KIAA0319: variants seen among roughly 807,000 people sequenced by gnomAD.
KIAA0319 encodes the protein dyslexia-associated protein KIAA0319.
Under a neutral mutation model 108.4 loss-of-function variants are expected in KIAA0319, and 83 were observed. That is an observed-to-expected ratio of 0.77 (90% CI 0.64 to 0.92). The LOEUF (loss-of-function observed/expected upper bound fraction) is 0.92. Among genes scored for constraint, KIAA0319 ranks in the 40% least tolerant of loss-of-function variants. The pLI, the probability that KIAA0319 is intolerant of heterozygous loss-of-function variation, is 0.00. For synonymous variants in KIAA0319, 484 were observed against 510.4 expected, an observed-to-expected ratio of 0.95 and a Z score of 0.70; for missense variants, 1,195 against 1,322.4, an observed-to-expected ratio of 0.90 and a Z score of 1.49.
intron 8 of KIAA0319, among the ~76,000 whole-genome samples, chr6:24,579,568 G>T (rs892389720): frequency 6.8e-6 from 1 of 146,950 alleles, no homozygotes; most frequent in Admixed American, 6.8e-5. Context: ...TTTTCCAACT[G>T]CTAACCATAT....
chr6:24,630,505 T>TC, intron 1 of KIAA0319, among the ~76,000 whole-genome samples: 2 of 78,830 alleles, frequency 2.5e-5, no homozygotes, highest in Non-Finnish European at 4.6e-5. Context: ...CAAGATTCTG[T>TC]CTCAAAAAAA....
intron 1 of KIAA0319, among the ~76,000 whole-genome samples, chr6:24,611,871 C>T (rs9356938): frequency 0.87 from 131,910 of 151,916 alleles, 57,373 homozygotes; most frequent in East Asian, 0.98. Context: ...CTGGACAACA[C>T]AGGGAGAACC....
chr6:24,579,781 T>C (rs1766185917), intron 8 of KIAA0319, 77 bp downstream of exon 8: 5 of 1,173,132 alleles, frequency 4.3e-6, no homozygotes, highest in Non-Finnish European at 3.7e-6. Context: ...TCCTCCTAGC[T>C]TTGATGCAGA....
intron 2 of KIAA0319, chr6:24,598,687 C>T: frequency 3.8e-6 from 1 of 265,604 alleles, no homozygotes; most frequent in South Asian, 4.1e-5. Flanking sequence ...ACCAGCCTGA[C>T]CAACATGGTG....
At chr6:24,555,678 A>G (rs1274858565) in intron 18 of KIAA0319, among the ~76,000 whole-genome samples, 1 of 137,004 alleles carries the variant, frequency 7.3e-6, no homozygotes, top group African/African-American at 3.1e-5. Flanking sequence ...CCAAACAACA[A>G]ATTTACTTAG....
Position 24,545,371 on chromosome 6 carries a change from A to C in KIAA0319, c.*1794T>G, listed in dbSNP as rs1042069346. On this transcript the variant is annotated 3_prime_UTR_variant, in exon 21 of 21. Transcript: ENST00000378214. ...GTAAACTGCATATGTTATGTACATA[A>C]AGCGGTAAATGTTCACTCCCTTCTT... 2.6e-5 allele frequency: 4 copies of C among 152,180 alleles called. No individual in the cohort carries two copies. The highest frequency in any genetic ancestry group is 5.9e-5 in the Non-Finnish European group (4 of 68,042). 9.4% of individuals were successfully genotyped at this position (152,180 alleles called of 1,614,324 possible). A position where few individuals can be genotyped will look rare whatever the true frequency, so the allele number is the denominator to read the frequency against.
At chr6:24,626,140 C>T (rs542410819) in intron 1 of KIAA0319, among the ~76,000 whole-genome samples, 94 of 152,298 alleles carry the variant, frequency 6.2e-4, no homozygotes, top group African/African-American at 1.6e-3. Context: ...GTCCAGAATA[C>T]GCAAATCCAT....
intron 2 of KIAA0319, 38 bp downstream of exon 2, chr6:24,601,011 A>G: frequency 6.2e-7 from 1 of 1,613,712 alleles, no homozygotes; most frequent in South Asian, 1.1e-5. Flanking sequence ...AAGAAACTCA[A>G]GTCCAACACG....
chr6:24,563,157 C>T (rs912978640), intron 16 of KIAA0319, among the ~76,000 whole-genome samples: 2 of 152,240 alleles, frequency 1.3e-5, no homozygotes, highest in Non-Finnish European at 2.9e-5. Flanking sequence ...AATCAGCAAA[C>T]ATTTACTGAG....
Position 24,583,714 on chromosome 6 carries a change from TTAG to T in KIAA0319, c.995-15_995-13del, listed in dbSNP as rs762106876. Reference sequence around the variant, plus strand: ...CGTAAGTTCTTTCACTAAAAGTTAATTAGAAATAATACGTGCAATTATATAATA... The same window carrying T: ...CGTAAGTTCTTTCACTAAAAGTTAATAAATAATACGTGCAATTATATAATA... On this transcript the variant is annotated splice_polypyrimidine_tract_variant and intron_variant, in intron 4 of 20. Transcript: ENST00000378214. The T allele has an allele frequency of 2.0e-5, 30 of 1,482,118 alleles. No individual in the cohort carries two copies. In the African/African-American group the frequency reaches 3.3e-4, roughly 16 times the overall value. The allele number at this position is 1,482,118 out of a possible 1,614,324, so 91.8% of individuals were successfully genotyped here.
intron 8 of KIAA0319, among the ~76,000 whole-genome samples, chr6:24,579,452 T>A (rs1306441269): frequency 2.1e-5 from 3 of 144,468 alleles, no homozygotes. Flanking sequence ...CTCATATATA[T>A]CTTATATATC....
At chr6:24,618,475 A>G (rs1773468036) in intron 1 of KIAA0319, among the ~76,000 whole-genome samples, 1 of 152,022 alleles carries the variant, frequency 6.6e-6, no homozygotes, top group Non-Finnish European at 1.5e-5. Context: ...TTAGCCAGGC[A>G]TGGTGGTGTG....
At chr6:24,580,101 A>C (rs1313766847) in intron 7 of KIAA0319, 151 bp from the exon 8 acceptor site, 1 of 589,328 alleles carries the variant, frequency 1.7e-6, no homozygotes. Flanking sequence ...AGCACTTTTT[A>C]AAGTCTGGAG....
In KIAA0319 at chr6:24,630,922, G is replaced by T. The variant is rs192762585; in HGVS notation, c.-106+14814C>A. ...GAAATGCTTCTGCAGGCTCAGAAAA[G>T]GGCAAGCTGCAGCTTTTGTATCTGA... On this transcript the variant is annotated intron_variant, in intron 1 of 20. Coordinates refer to ENST00000378214, the MANE Select transcript of KIAA0319 (RefSeq NM_014809.4). Among the ~76,000 whole-genome samples, 284 of 152,278 alleles carry T rather than the reference G, an allele frequency of 1.9e-3. 1 individual carries two copies. Among genetic ancestry groups the T allele is most frequent in the Non-Finnish European group, 3.3e-3 (223 of 68,026 alleles).
At chr6:24,628,812 T>C (rs1407160614) in intron 1 of KIAA0319, among the ~76,000 whole-genome samples, 1 of 152,120 alleles carries the variant, frequency 6.6e-6, no homozygotes, top group Non-Finnish European at 1.5e-5. Flanking sequence ...CCCTCTATTG[T>C]CACATGGAGC....
chr6:24,624,792 C>G (rs182670409), intron 1 of KIAA0319, among the ~76,000 whole-genome samples: 8 of 152,198 alleles, frequency 5.3e-5, no homozygotes, highest in Non-Finnish European at 1.0e-4. Context: ...GGAAGTCGGA[C>G]GTGAAGCCCT....
chr6:24,551,605 C>G (rs1262839919), intron 19 of KIAA0319, 80 bp from the exon 20 acceptor site: 1 of 957,790 alleles, frequency 1.0e-6, no homozygotes, highest in Non-Finnish European at 1.7e-6. Context: ...AGTAAAGACA[C>G]TAAAGGAAAC....
Position 24,578,082 on chromosome 6 carries a change from AGCACAATAAAG to A in KIAA0319, c.1505+17_1505+27del. ...AACAGTCAAAATGTAAGTAGCAGGC[AGCACAATAAAG>A]GCAGGGACCCACTTGCCTGAAACTA... On this transcript the variant is annotated intron_variant, in intron 9 of 20. Coordinates refer to ENST00000378214, the MANE Select transcript of KIAA0319 (RefSeq NM_014809.4). 6.3e-7 allele frequency: 1 copy of A among 1,585,040 alleles called. No individual in the cohort carries two copies. The highest frequency in any genetic ancestry group is 2.3e-5 in the East Asian group (1 of 44,384).
At chr6:24,607,934 T>C (rs1771663765) in intron 1 of KIAA0319, among the ~76,000 whole-genome samples, 1 of 152,074 alleles carries the variant, frequency 6.6e-6, no homozygotes, top group African/African-American at 2.4e-5. Context: ...GGCAGCATAC[T>C]AGAAAAAAGA....
Sources: gnomAD v4.1 joint callset for allele counts (sites outside exome capture counted in the v4.1 genomes callset) on GRCh38, gnomAD v4.1.1 for gene constraint, MANE v1.5 for transcripts, NCBI Gene and HGNC (gene_info 2026-07-23, HGNC 2026-07-21) for gene names.